Variants in PACRG observed in about 807,000 individuals in gnomAD.
PACRG encodes parkin coregulated, also known as parkin coregulated gene protein.
A neutral mutation model predicts 29.7 loss-of-function variants in PACRG; 29 were observed. The observed-to-expected ratio is 0.98, with a 90% CI of 0.73 to 1.33. The LOEUF (loss-of-function observed/expected upper bound fraction) is 1.33, where lower values mean the gene tolerates loss of function less well. Among genes scored for constraint, PACRG ranks in the 40% most tolerant of loss-of-function variants. The pLI is 0.00. For missense variants in PACRG, 279 were observed against 316.2 expected, an observed-to-expected ratio of 0.88 and a Z score of 0.89; for synonymous variants, 116 against 118.7, an observed-to-expected ratio of 0.98 and a Z score of 0.15.
At chr6:162,818,081 G>A (rs190827809) in intron 2 of PACRG, among the ~76,000 whole-genome samples, 355 of 152,042 alleles carry the variant, frequency 2.3e-3, no homozygotes, top group African/African-American at 8.4e-3. Context: ...ATCAATGGTT[G>A]TAGTTATAAA....
chr6:163,177,575 C>A (rs1779429524), intron 4 of PACRG, among the ~76,000 whole-genome samples: 1 of 151,986 alleles, frequency 6.6e-6, no homozygotes, highest in Non-Finnish European at 1.5e-5. Context: ...TTACAGGAGG[C>A]TGCGGGGACA....
chr6:162,730,038 A>G (rs935106675), intron 1 of PACRG, among the ~76,000 whole-genome samples: 21 of 146,008 alleles, frequency 1.4e-4, no homozygotes, highest in Non-Finnish European at 6.0e-5. Context: ...CCATTCATCT[A>G]TTTATTCAGT....
At chr6:163,132,104 A>G (rs952184679) in intron 4 of PACRG, among the ~76,000 whole-genome samples, 1 of 152,222 alleles carries the variant, frequency 6.6e-6, no homozygotes, top group African/African-American at 2.4e-5. Context: ...ACTATATATT[A>G]ATTTTAATAT....
intron 1 of PACRG, among the ~76,000 whole-genome samples, chr6:162,770,233 A>G (rs1210918827): frequency 6.6e-6 from 1 of 152,196 alleles, no homozygotes; most frequent in Non-Finnish European, 1.5e-5. Flanking sequence ...ATCCTTTTCC[A>G]AGATAATTCT....
At chr6:162,809,287 CAGATCCCAAAA>C (rs902891115) in intron 1 of PACRG, among the ~76,000 whole-genome samples, 2 of 151,666 alleles carry the variant, frequency 1.3e-5, no homozygotes, top group African/African-American at 2.4e-5. Context: ...GGATCTATAG[CAGATCCCAAAA>C]AGTATAAAGT....
intron 2 of PACRG, among the ~76,000 whole-genome samples, chr6:162,933,765 G>A (rs12662751): frequency 0.16 from 23,703 of 151,250 alleles, 3,083 homozygotes; most frequent in African/African-American, 0.35. Context: ...TAATTTTGGG[G>A]AAAAAAAAGG....
At chr6:162,797,335 C>T (rs79385997) in intron 1 of PACRG, among the ~76,000 whole-genome samples, 1 of 152,070 alleles carries the variant, frequency 6.6e-6, no homozygotes, top group African/African-American at 2.4e-5. Context: ...GATTTTATAC[C>T]TAAAGGGCAC....
chr6:162,813,947 C>G (rs1231795692), intron 1 of PACRG, among the ~76,000 whole-genome samples, 200 bp from the exon 2 acceptor site: 1 of 152,070 alleles, frequency 6.6e-6, no homozygotes, highest in Non-Finnish European at 1.5e-5. Context: ...ATAAAGTAGA[C>G]TTTTAATAGT....
intron 2 of PACRG, among the ~76,000 whole-genome samples, chr6:163,037,382 T>A: frequency 6.6e-6 from 1 of 152,248 alleles, no homozygotes; most frequent in Admixed American, 6.5e-5. Flanking sequence ...CCTCTTCACC[T>A]GGCCCTTGGC....
At chr6:163,237,434 G>C (rs1366053457) in intron 4 of PACRG, among the ~76,000 whole-genome samples, 1 of 152,052 alleles carries the variant, frequency 6.6e-6, no homozygotes, top group African/African-American at 2.4e-5. Context: ...TACCAACATA[G>C]CTAATTTGAC....
intron 2 of PACRG, among the ~76,000 whole-genome samples, chr6:162,950,605 T>C (rs184484303): frequency 3.9e-5 from 6 of 152,222 alleles, no homozygotes; most frequent in African/African-American, 2.4e-5. Context: ...AATTAAAATA[T>C]GGTTTTGGAT....
intron 4 of PACRG, among the ~76,000 whole-genome samples, chr6:163,185,779 G>C (rs998486114): frequency 6.6e-6 from 1 of 152,138 alleles, no homozygotes; most frequent in Non-Finnish European, 1.5e-5. Flanking sequence ...CTGTATCTCC[G>C]TGTAATGTCC....
chr6:162,903,836 A>T (rs962003261), intron 2 of PACRG, among the ~76,000 whole-genome samples: 2 of 152,204 alleles, frequency 1.3e-5, no homozygotes, highest in Non-Finnish European at 2.9e-5. Context: ...ACCAAAGACT[A>T]CATTCACCCT....
chr6:163,277,445 T>C (rs1242481787), intron 4 of PACRG, among the ~76,000 whole-genome samples: 2 of 150,742 alleles, frequency 1.3e-5, no homozygotes, highest in South Asian at 2.1e-4. Flanking sequence ...CGTTCCTTTT[T>C]ATGGCTGAGT....
At chr6:163,019,093 A>G (rs906747256) in intron 2 of PACRG, among the ~76,000 whole-genome samples, 6 of 152,120 alleles carry the variant, frequency 3.9e-5, no homozygotes, top group African/African-American at 1.4e-4. Context: ...CTTGTTTTGA[A>G]GCAGTATCTT....
chr6:163,040,131 C>T (rs956176625), intron 2 of PACRG, among the ~76,000 whole-genome samples: 5 of 152,204 alleles, frequency 3.3e-5, no homozygotes, highest in African/African-American at 1.2e-4. Flanking sequence ...CATCCTGCAT[C>T]CCAGCTACTT....
intron 4 of PACRG, chr6:163,095,310 G>A (rs551797): frequency 0.3 from 291,043 of 984,294 alleles, 44,494 homozygotes; most frequent in East Asian, 0.58. Context: ...TGTAAATTAC[G>A]TCTCTATGTG....
chr6:163,033,206 T>C (rs952007086), intron 2 of PACRG, among the ~76,000 whole-genome samples: 4 of 152,242 alleles, frequency 2.6e-5, no homozygotes, highest in Non-Finnish European at 5.9e-5. Flanking sequence ...TGTTAACTCT[T>C]AGCAGCTTTT....
chr6:163,277,494 T>TATATATAC (rs535727235), intron 4 of PACRG, among the ~76,000 whole-genome samples: 4 of 73,440 alleles, frequency 5.4e-5, no homozygotes, highest in African/African-American at 1.2e-4. Flanking sequence ...TATATATATA[T>TATATATAC]ACACACATAC....
Sources: allele counts gnomAD v4.1 joint callset (sites outside exome capture counted in the v4.1 genomes callset), GRCh38; gene constraint gnomAD v4.1.1; transcripts MANE v1.5; gene names NCBI Gene and HGNC (gene_info 2026-07-23, HGNC 2026-07-21).